TRABD2B: variants seen among roughly 807,000 people sequenced by gnomAD.
The protein encoded by TRABD2B is TraB domain containing 2B.
Under a neutral mutation model 40.1 loss-of-function variants are expected in TRABD2B, and 14 were observed. The observed-to-expected ratio is 0.35, with a 90% CI of 0.23 to 0.55. TRABD2B has a LOEUF of 0.55. TRABD2B is among the 20% of genes least tolerant of loss of function. The pLI is 0.90. For synonymous variants in TRABD2B, 263 were observed against 277.0 expected (o/e 0.95, Z 0.50); for missense variants, 541 against 648.6 (o/e 0.83, Z 1.80).
intron 2 of TRABD2B, among the ~76,000 whole-genome samples, chr1:47,969,410 G>A (rs1198750237): frequency 2.6e-5 from 4 of 152,296 alleles, no homozygotes; most frequent in African/African-American, 9.6e-5. Context: ...AGGGAGATGA[G>A]ACCACCACTC....
At chr1:47,852,681 A>G (rs1643830860) in intron 2 of TRABD2B, among the ~76,000 whole-genome samples, 1 of 152,136 alleles carries the variant, frequency 6.6e-6, no homozygotes, top group Non-Finnish European at 1.5e-5. Flanking sequence ...GTTACATACT[A>G]TTTCAATAAT....
At chr1:47,803,598 G>A (rs564973339) in intron 2 of TRABD2B, among the ~76,000 whole-genome samples, 1 of 152,236 alleles carries the variant, frequency 6.6e-6, no homozygotes, top group East Asian at 1.9e-4. Context: ...AACTCTTATT[G>A]TTATTGTTAC....
Position 47,762,186 on chromosome 1 carries a change from CTA to C in TRABD2B, c.*3714_*3715del, listed in dbSNP as rs1644251158. On this transcript the variant is annotated 3_prime_UTR_variant, in exon 7 of 7. Coordinates refer to ENST00000606738, the MANE Select transcript of TRABD2B (RefSeq NM_001194986.2). ...GAGCAGCATGTGTGAAACATCCTGTCTATTCTAGAGATGACTGCACATCACGC... is the reference window on the plus strand; with the variant it reads ...GAGCAGCATGTGTGAAACATCCTGTCTTCTAGAGATGACTGCACATCACGC... 3.3e-5 allele frequency: 5 copies of C among 152,334 alleles called. No individual in the cohort carries two copies. The South Asian group carries it at 1.0e-3, about 32-fold the overall frequency. 9.4% of individuals were successfully genotyped at this position (152,334 alleles called of 1,614,324 possible).
At chr1:47,835,213 T>C (rs944568207) in intron 2 of TRABD2B, among the ~76,000 whole-genome samples, 1 of 152,128 alleles carries the variant, frequency 6.6e-6, no homozygotes, top group Non-Finnish European at 1.5e-5. Context: ...ATCAACAAAT[T>C]TGAAGATAGG....
chr1:47,910,137 C>T lies in TRABD2B; in HGVS notation c.666+83897G>A, dbSNP rs1303409210. On this transcript the variant is annotated intron_variant, in intron 2 of 6. Coordinates refer to ENST00000606738, the MANE Select transcript of TRABD2B (RefSeq NM_001194986.2). ...GGCTTCCCAAAGTGCTGGGATTGTA[C>T]GTGTGAGCTACTGTGCCTGGCAGGG... Among the ~76,000 whole-genome samples, 6 of 152,014 alleles carry T rather than the reference C, an allele frequency of 3.9e-5. No homozygotes were observed. In the East Asian group the frequency reaches 7.9e-4, roughly 20 times the overall value.
At chr1:47,782,836 G>T (rs2124126176) in intron 4 of TRABD2B, among the ~76,000 whole-genome samples, 1 of 152,344 alleles carries the variant, frequency 6.6e-6, no homozygotes, top group African/African-American at 2.4e-5. Context: ...GTCATGGAAA[G>T]TCTCCAAAGG....
At chr1:47,942,690 A>T (rs760830745) in intron 2 of TRABD2B, among the ~76,000 whole-genome samples, 21 of 152,252 alleles carry the variant, frequency 1.4e-4, no homozygotes, top group African/African-American at 1.4e-4. Flanking sequence ...GGTTCCAGGC[A>T]GGCATTACTT....
At chr1:47,920,938 C>T (rs921547468) in intron 2 of TRABD2B, among the ~76,000 whole-genome samples, 6 of 152,188 alleles carry the variant, frequency 3.9e-5, no homozygotes, top group African/African-American at 1.2e-4. Context: ...CTGCAATCCA[C>T]CCTCTTGGAC....
At chr1:47,947,623 G>A (rs1295868247) in intron 2 of TRABD2B, among the ~76,000 whole-genome samples, 1 of 152,102 alleles carries the variant, frequency 6.6e-6, no homozygotes, top group Non-Finnish European at 1.5e-5. Flanking sequence ...CGTCAATTGA[G>A]TTAAAAATCT....
intron 2 of TRABD2B, among the ~76,000 whole-genome samples, chr1:47,845,517 C>T (rs182096622): frequency 1.3e-5 from 2 of 152,186 alleles, no homozygotes; most frequent in African/African-American, 4.8e-5. Context: ...AGTAATTTGC[C>T]CACAGTCACC....
intron 2 of TRABD2B, among the ~76,000 whole-genome samples, chr1:47,992,719 G>T (rs1646030099): frequency 6.6e-6 from 1 of 152,202 alleles, no homozygotes; most frequent in Non-Finnish European, 1.5e-5. Flanking sequence ...AGAGGAATCA[G>T]CACTGGGCCA....
intron 2 of TRABD2B, among the ~76,000 whole-genome samples, chr1:47,829,528 C>A (rs1017307223): frequency 1.3e-5 from 2 of 152,102 alleles, no homozygotes; most frequent in Non-Finnish European, 2.9e-5. Flanking sequence ...GGGGTCAGCC[C>A]GGACTCCATC....
intron 2 of TRABD2B, among the ~76,000 whole-genome samples, chr1:47,891,621 A>AC (rs1644446379): frequency 6.6e-6 from 1 of 152,012 alleles, no homozygotes; most frequent in South Asian, 2.1e-4. Context: ...ACATAGTGAG[A>AC]CCCCATCTTT....
intron 2 of TRABD2B, among the ~76,000 whole-genome samples, chr1:47,871,941 G>A (rs898213208): frequency 3.9e-5 from 6 of 152,346 alleles, no homozygotes; most frequent in South Asian, 2.1e-4. Flanking sequence ...GTGCCTGTGC[G>A]TCAGTGCACT....
intron 2 of TRABD2B, among the ~76,000 whole-genome samples, chr1:47,983,328 C>T (rs1212297757): frequency 1.3e-5 from 2 of 152,118 alleles, no homozygotes; most frequent in Non-Finnish European, 2.9e-5. Flanking sequence ...TGGGGTCTAC[C>T]TGAGCGTGGA....
At chr1:47,958,338 G>C (rs1205647566) in intron 2 of TRABD2B, among the ~76,000 whole-genome samples, 1 of 145,110 alleles carries the variant, frequency 6.9e-6, no homozygotes, top group Admixed American at 7.1e-5. Flanking sequence ...CATAATGACA[G>C]GATCAAATTC....
intron 2 of TRABD2B, among the ~76,000 whole-genome samples, chr1:47,867,449 G>A (rs559016421): frequency 1.3e-5 from 2 of 152,260 alleles, no homozygotes; most frequent in South Asian, 4.2e-4. Context: ...ATACGATAAT[G>A]TTTGCAAAGT....
At chr1:47,825,667 A>G (rs1384286326) in intron 2 of TRABD2B, among the ~76,000 whole-genome samples, 1 of 152,180 alleles carries the variant, frequency 6.6e-6, no homozygotes, top group Non-Finnish European at 1.5e-5. Flanking sequence ...TCACTTCAAG[A>G]ATCACTGTCT....
At chr1:47,777,497 A>G (rs1402896415) in intron 5 of TRABD2B, among the ~76,000 whole-genome samples, 1 of 152,146 alleles carries the variant, frequency 6.6e-6, no homozygotes, top group Non-Finnish European at 1.5e-5. Flanking sequence ...CTGGAGCCAG[A>G]CTGCCACTTA....
Sources: gnomAD v4.1 joint callset for allele counts (sites outside exome capture counted in the v4.1 genomes callset) on GRCh38, gnomAD v4.1.1 for gene constraint, MANE v1.5 for transcripts, NCBI Gene and HGNC (gene_info 2026-07-23, HGNC 2026-07-21) for gene names.